The following DGKB variants were observed in gnomAD, a reference collection of about 807,000 sequenced individuals.
DGKB encodes diacylglycerol kinase beta, also known as 90 kDa diacylglycerol kinase.
A neutral mutation model predicts 114.3 loss-of-function variants in DGKB; 67 were observed. The observed-to-expected ratio is 0.59, with a 90% CI of 0.48 to 0.72. The LOEUF (loss-of-function observed/expected upper bound fraction) is 0.72. Ranked by LOEUF, DGKB falls within the 30% of genes least tolerant of loss-of-function variation. The pLI is 0.00. For missense variants in DGKB, 907 were observed against 975.2 expected, an observed-to-expected ratio of 0.93 and a Z score of 0.93; for synonymous variants, 398 against 323.1, an observed-to-expected ratio of 1.23 and a Z score of -2.49.
chr7:14,248,229 T>C (rs1280251124), intron 23 of DGKB, among the ~76,000 whole-genome samples: 1 of 152,144 alleles, frequency 6.6e-6, no homozygotes, highest in Non-Finnish European at 1.5e-5. Flanking sequence ...GCCAGTACTA[T>C]ACTGTTTTGA....
At chr7:14,530,674 C>G (rs1791437336) in intron 20 of DGKB, among the ~76,000 whole-genome samples, 1 of 151,370 alleles carries the variant, frequency 6.6e-6, no homozygotes, top group Non-Finnish European at 1.5e-5. Flanking sequence ...GTGCCATATA[C>G]AAGATATAGC....
intron 21 of DGKB, among the ~76,000 whole-genome samples, chr7:14,374,586 T>C (rs558613234): frequency 6.6e-6 from 1 of 152,262 alleles, no homozygotes; most frequent in Admixed American, 6.5e-5. Flanking sequence ...GAATTTAGGA[T>C]TAAAATCTAA....
At chr7:14,250,132 ATT>A (rs57215648) in intron 23 of DGKB, among the ~76,000 whole-genome samples, 2,584 of 135,542 alleles carry the variant, frequency 0.019, 31 homozygotes, top group African/African-American at 0.026. Flanking sequence ...ATATATATAT[ATT>A]TTTTTTTTTT....
intron 20 of DGKB, among the ~76,000 whole-genome samples, chr7:14,535,610 C>T (rs1033787762): frequency 2.0e-5 from 3 of 152,000 alleles, no homozygotes; most frequent in Non-Finnish European, 4.4e-5. Context: ...CATTTGGAGA[C>T]GGAGTCTTGC....
chr7:14,558,612 G>A (rs1297204048), intron 20 of DGKB, among the ~76,000 whole-genome samples: 1 of 152,060 alleles, frequency 6.6e-6, no homozygotes, highest in Non-Finnish European at 1.5e-5. Flanking sequence ...GGATATTCCA[G>A]AAAACACACA....
In DGKB at chr7:14,162,649, G is replaced by T. The variant is rs558291154; in HGVS notation, c.2305-13411C>A. Reference sequence around the variant, plus strand: ...GAAACTAATGACTAGATTAATTCAGGTTTCAAAATAAAGAATAAAAGAAAA... The same window carrying T: ...GAAACTAATGACTAGATTAATTCAGTTTTCAAAATAAAGAATAAAAGAAAA... On this transcript the variant is annotated intron_variant, in intron 25 of 25. Transcript: ENST00000402815. Among the ~76,000 whole-genome samples, 24 of 152,138 alleles carry T rather than the reference G, an allele frequency of 1.6e-4. 1 individual carries two copies. In the South Asian group the frequency reaches 4.4e-3, roughly 28 times the overall value.
intron 13 of DGKB, among the ~76,000 whole-genome samples, chr7:14,672,062 A>T (rs1049804924): frequency 1.3e-5 from 2 of 152,038 alleles, no homozygotes. Flanking sequence ...AAAGGCATTT[A>T]AAATACAACC....
At chr7:14,406,259 C>T (rs1210190026) in intron 21 of DGKB, among the ~76,000 whole-genome samples, 3 of 151,956 alleles carry the variant, frequency 2.0e-5, no homozygotes. Flanking sequence ...CTCCAACACA[C>T]CCAGTAGAAA....
chr7:14,152,768 T>G (rs897206197), intron 25 of DGKB, among the ~76,000 whole-genome samples: 1 of 152,166 alleles, frequency 6.6e-6, no homozygotes, highest in East Asian at 1.9e-4. Context: ...TTCTTATTTC[T>G]ATTACATTTT....
chr7:14,970,396 G>C (rs62448583), intron 1 of DGKB, among the ~76,000 whole-genome samples: 1 of 151,776 alleles, frequency 6.6e-6, no homozygotes, highest in Non-Finnish European at 1.5e-5. Flanking sequence ...CTATAAAGAA[G>C]TAAAACAGGG....
chr7:14,486,463 A>G (rs543819961), intron 20 of DGKB, among the ~76,000 whole-genome samples: 2 of 152,286 alleles, frequency 1.3e-5, no homozygotes, highest in South Asian at 2.1e-4. Context: ...GGAAAGAGTT[A>G]TATAGAGAAA....
chr7:14,480,408 A>C (rs995451969), intron 20 of DGKB, among the ~76,000 whole-genome samples: 3 of 152,196 alleles, frequency 2.0e-5, no homozygotes, highest in Non-Finnish European at 2.9e-5. Context: ...TTGATAAGGA[A>C]CAATGACAGC....
intron 21 of DGKB, among the ~76,000 whole-genome samples, chr7:14,378,765 G>C (rs959408001): frequency 2.0e-5 from 3 of 152,124 alleles, no homozygotes; most frequent in African/African-American, 7.2e-5. Context: ...AAAATGTGCA[G>C]AAAGTCCCTT....
chr7:14,820,989 T>C lies in DGKB; in HGVS notation c.70+20205A>G, dbSNP rs80086757. ...TATACAGTAAATATACTGAATTGTC[T>C]GTCCTCTCTAGGAACATGTTTCACC... On this transcript the variant is annotated intron_variant, in intron 2 of 25. Transcript: ENST00000402815. 5.5e-3 allele frequency among the ~76,000 whole-genome samples: 841 copies of C among 152,290 alleles called. 12 individuals are homozygous for C. The highest frequency in any genetic ancestry group is 0.019 in the African/African-American group (802 of 41,576).
chr7:14,217,922 A>C (rs1372852887), intron 23 of DGKB, among the ~76,000 whole-genome samples: 2 of 152,124 alleles, frequency 1.3e-5, no homozygotes, highest in Non-Finnish European at 2.9e-5. Context: ...GGTCCTGTCC[A>C]TACTTTTGTA....
chr7:14,295,800 C>T (rs1389342879), intron 23 of DGKB, among the ~76,000 whole-genome samples: 2 of 152,058 alleles, frequency 1.3e-5, no homozygotes, highest in South Asian at 2.1e-4. Context: ...TGGTTTGCTG[C>T]ACCCATTAAC....
rs11376529 is a variant in DGKB, at chr7:14,340,987, CT to C, written c.1927-2278del. Among the ~76,000 whole-genome samples, 52 of 148,696 alleles carry C rather than the reference CT, an allele frequency of 3.5e-4. No individual in the cohort carries two copies. In the East Asian group the frequency reaches 9.3e-3, roughly 27 times the overall value. Reference sequence around the variant, plus strand: ...AGGAGAGCATGTTGCAAAGAGGCTTCTTTTTTTTTTAAAAAAAAGAATTGAA... The same window carrying C: ...AGGAGAGCATGTTGCAAAGAGGCTTCTTTTTTTTTAAAAAAAAGAATTGAA... On this transcript the variant is annotated intron_variant, in intron 22 of 25. Coordinates refer to ENST00000402815, the MANE Select transcript of DGKB (RefSeq NM_001350709.2).
intron 2 of DGKB, among the ~76,000 whole-genome samples, chr7:14,835,107 G>A (rs1359106779): frequency 6.6e-6 from 1 of 152,118 alleles, no homozygotes; most frequent in Non-Finnish European, 1.5e-5. Context: ...GAACTGCTGA[G>A]TTAATCAGTG....
At chr7:14,879,510 A>C (rs1009017137) in intron 1 of DGKB, among the ~76,000 whole-genome samples, 1 of 152,166 alleles carries the variant, frequency 6.6e-6, no homozygotes, top group African/African-American at 2.4e-5. Context: ...CTATGTAAAT[A>C]TTTATGTCTT....
Sources: gnomAD v4.1 joint callset for allele counts (sites outside exome capture counted in the v4.1 genomes callset) on GRCh38, gnomAD v4.1.1 for gene constraint, MANE v1.5 for transcripts, NCBI Gene and HGNC (gene_info 2026-07-23, HGNC 2026-07-21) for gene names.